MYO7B: variants seen among roughly 807,000 people sequenced by gnomAD.
MYO7B encodes the protein unconventional myosin-VIIb.
Under a neutral mutation model 259.7 loss-of-function variants are expected in MYO7B, and 212 were observed. The observed-to-expected ratio is 0.82, with a 90% CI of 0.73 to 0.91. The LOEUF (loss-of-function observed/expected upper bound fraction) is 0.91, where lower values mean the gene tolerates loss of function less well. MYO7B is among the 40% of genes least tolerant of loss of function. MYO7B has a pLI of 0.00. For missense variants in MYO7B, 2,732 were observed against 2,813.5 expected (o/e 0.97, Z 0.66); for synonymous variants, 1,197 against 1,166.4 (o/e 1.03, Z -0.54).
In MYO7B at chr2:127,635,128, G is replaced by C; in HGVS notation, c.5722G>C (p.Val1908Leu). ...TGCTGGCCCTCGCCCAGGGGCCCCCGTGACGCTCCCCTACCAGGTGTACTT... is the reference window on the plus strand; with the variant it reads ...TGCTGGCCCTCGCCCAGGGGCCCCCCTGACGCTCCCCTACCAGGTGTACTT... ...KNKPQKEGAPVTLPYQVYFMR... is the reference protein window; with the variant it reads ...KNKPQKEGAPLTLPYQVYFMR... The change falls in exon 43 of 48, where the codon GTG (valine) becomes CTG (leucine). Residue 1908 changes from valine (V) to leucine (L), a missense_variant. This residue lies in a region of MYO7B where 821 missense variants were observed against 769.3 expected (regional missense o/e 1.07). Transcript: ENST00000409816. The C allele has an allele frequency of 6.2e-7, 1 of 1,612,296 alleles. No homozygotes were observed. The highest frequency in any genetic ancestry group is 8.5e-7 in the Non-Finnish European group (1 of 1,179,360).
chr2:127,608,868 C>T lies in MYO7B; in HGVS notation c.2804C>T (p.Pro935Leu), dbSNP rs779515853. 12 of 1,612,122 alleles carry T rather than the reference C, an allele frequency of 7.4e-6. No individual in the cohort carries two copies. The highest frequency in any genetic ancestry group is 9.3e-6 in the Non-Finnish European group (11 of 1,179,342). The stretch of plus-strand genomic sequence containing the variant: ...GGGGGCCAGGAGGGCCAGGCCTCGC[C>T]GCACTTTGAGGTAACACAAGCCTGG... The part of the protein sequence containing the change: ...MIGGQEGQAS[P>L]HFEDLESKTQ... The change falls in exon 22 of 48, where the codon CCG (proline) becomes CTG (leucine). Residue 935 changes from proline (P) to leucine (L), a missense_variant. By Grantham distance (98) the Pro-to-Leu change is moderately conservative. This residue lies in a region of MYO7B where 1,906 missense variants were observed against 2,026.4 expected (regional missense o/e 0.94). Coordinates refer to ENST00000409816, the MANE Select transcript of MYO7B (RefSeq NM_001393586.1).
In MYO7B at chr2:127,559,126, CTGGGCCTGGCTGCCTACT is replaced by C. The variant is rs996928672; in HGVS notation, c.-23-558_-23-541del. Among the ~76,000 whole-genome samples the C allele has an allele frequency of 6.6e-6, 1 of 152,164 alleles. No individual in the cohort carries two copies. Among genetic ancestry groups the C allele is most frequent in the Non-Finnish European group, 1.5e-5 (1 of 68,022 alleles). ...GGGCTCCTCCCCGCTCCTCCTCCTG[CTGGGCCTGGCTGCCTACT>C]TGGGCCTGGCTGCCTGCTCCCTCTA... On this transcript the variant is annotated intron_variant, in intron 1 of 47. Coordinates refer to ENST00000409816, the MANE Select transcript of MYO7B (RefSeq NM_001393586.1). This position sits in a 1 kb window ranked among gnomAD's most constrained non-coding sequence, Gnocchi z 4.1.
chr2:127,571,442 GT>G, intron 6 of MYO7B, among the ~76,000 whole-genome samples: 2,533 of 42,024 alleles, frequency 0.06, 138 homozygotes, highest in African/African-American at 0.13. Flanking sequence ...TTACCAGTGA[GT>G]TTTTTTTTTT....
intron 1 of MYO7B, among the ~76,000 whole-genome samples, chr2:127,554,343 G>A (rs908049199): frequency 1.3e-5 from 2 of 152,154 alleles, no homozygotes; most frequent in African/African-American, 4.8e-5. Context: ...CAAAGTACTG[G>A]GATTACAGGC....
chr2:127,580,697 C>T, intron 9 of MYO7B, 49 bp from the exon 10 acceptor site: 1 of 1,555,876 alleles, frequency 6.4e-7, no homozygotes, highest in South Asian at 1.2e-5. Flanking sequence ...ACCTTGCTCC[C>T]ATCGCTCCAG....
chr2:127,617,711 C>T (rs1247616485), intron 26 of MYO7B, among the ~76,000 whole-genome samples: 1 of 150,572 alleles, frequency 6.6e-6, no homozygotes, highest in African/African-American at 2.5e-5. Context: ...ACCTTGTTAG[C>T]CAGGATGGTC....
At chr2:127,596,590 C>T (rs1362555240) in intron 19 of MYO7B, 34 bp downstream of exon 19, 2 of 1,531,346 alleles carry the variant, frequency 1.3e-6, no homozygotes, top group Non-Finnish European at 1.8e-6. Flanking sequence ...ACCCAGCCTA[C>T]TCCTGCCCAC....
Position 127,634,412 on chromosome 2 carries a change from G to T in MYO7B, c.5625+123G>T, listed in dbSNP as rs1681683209. ...TGCTGGACCAGGCTGCACGGCCAGG[G>T]CTGCTGGGACAGAGGTAGGTGGGGT... On this transcript the variant is annotated intron_variant, in intron 41 of 47. Coordinates refer to ENST00000409816, the MANE Select transcript of MYO7B (RefSeq NM_001393586.1). 4 of 932,402 alleles carry T rather than the reference G, an allele frequency of 4.3e-6. No individual in the cohort carries two copies. The South Asian group carries it at 6.7e-5, about 16-fold the overall frequency. The allele number at this position is 932,402 out of a possible 1,614,324, so 57.8% of individuals were successfully genotyped here.
At position 127,627,856 on chromosome 2, in the gene MYO7B, A is replaced by G. The variant is rs562696651; in HGVS notation, c.4461-516A>G. The G allele has an allele frequency of 2.6e-4, 121 of 458,142 alleles. 3 individuals carry two copies. The Middle Eastern group carries it at 8.4e-3, about 32-fold the overall frequency. The allele number at this position is 458,142 out of a possible 1,614,324, so 28.4% of individuals were successfully genotyped here. On this transcript the variant is annotated intron_variant, in intron 33 of 47. Transcript: ENST00000409816. This position sits in a 1 kb window ranked among gnomAD's most constrained non-coding sequence, Gnocchi z 5.6. ...GAGCGCCCCTTGGTTGAAGCACACA[A>G]CAGAGTGGCACATGCATCTCTGGGC...
intron 26 of MYO7B, 119 bp downstream of exon 26, chr2:127,612,722 A>C: frequency 7.0e-7 from 1 of 1,434,246 alleles, no homozygotes; most frequent in Admixed American, 2.3e-5. Flanking sequence ...TGCGGCCTGC[A>C]GGCTGGGTCT....
At chr2:127,587,273 A>G (rs1316845105) in intron 14 of MYO7B, among the ~76,000 whole-genome samples, 5 of 152,150 alleles carry the variant, frequency 3.3e-5, no homozygotes, top group African/African-American at 7.2e-5. Context: ...GGGCTAGGCC[A>G]TTCTTACTCA....
chr2:127,617,480 T>A lies in MYO7B; in HGVS notation c.3399-2860T>A, dbSNP rs536532009. Among the ~76,000 whole-genome samples the A allele has an allele frequency of 3.4e-3, 492 of 143,422 alleles. 4 individuals are homozygous for A. Among genetic ancestry groups the A allele is most frequent in the Non-Finnish European group, 5.2e-3 (341 of 66,146 alleles). The allele number at this position is 143,422 out of a possible 152,430, so 94.1% of individuals were successfully genotyped here. A position where few individuals can be genotyped will look rare whatever the true frequency, so the allele number is the denominator to read the frequency against. ...TGACCTTATGCTGCCAGCAGACTTG[T>A]AACGGGGTTTTTTTTTTTTTTTTTT... On this transcript the variant is annotated intron_variant, in intron 26 of 47. Coordinates refer to ENST00000409816, the MANE Select transcript of MYO7B (RefSeq NM_001393586.1).
intron 28 of MYO7B, 135 bp downstream of exon 28, chr2:127,622,236 C>T (rs1319433857): frequency 6.4e-6 from 8 of 1,252,204 alleles, no homozygotes; most frequent in Non-Finnish European, 7.5e-6. Flanking sequence ...TCTGCAGTAC[C>T]TCCCATGCCA....
chr2:127,556,216 C>T (rs1324557445), intron 1 of MYO7B, among the ~76,000 whole-genome samples: 2 of 152,208 alleles, frequency 1.3e-5, no homozygotes, highest in Non-Finnish European at 2.9e-5. Context: ...AGAATAACTA[C>T]TCCTACTCAC....
In MYO7B at chr2:127,637,342, C is replaced by T. The variant is rs369475321; in HGVS notation, c.6354C>T (p.Thr2118=). Residue 2118 remains threonine, a synonymous_variant, in exon 48 of 48, where the codon ACC becomes ACT. Transcript: ENST00000409816. ...SLGYKMDDLL[T]SYVQQLLSAM... is the part of the protein sequence containing the mutation. ...GCTATAAGATGGATGACCTGCTGAC[C>T]TCATATGTGCAGCAGCTCCTGAGTG... The T allele has an allele frequency of 1.8e-5, 28 of 1,593,786 alleles. No homozygotes were observed. Among genetic ancestry groups the T allele is most frequent in the Non-Finnish European group, 8.5e-6 (10 of 1,170,336 alleles).
In MYO7B at chr2:127,634,579, A is replaced by T. The variant is rs1168198699; in HGVS notation, c.5626-17A>T. ...CCCGGAAGCCACCCAACTTCCCTGTACCTTCCCCTTCCCCAGGTCATCAGC... is the reference window on the plus strand; with the variant it reads ...CCCGGAAGCCACCCAACTTCCCTGTTCCTTCCCCTTCCCCAGGTCATCAGC... On this transcript the variant is annotated splice_polypyrimidine_tract_variant and intron_variant, in intron 41 of 47. Transcript: ENST00000409816. 6 of 1,604,620 alleles carry T rather than the reference A, an allele frequency of 3.7e-6. No homozygotes were observed. The highest frequency in any genetic ancestry group is 5.1e-6 in the Non-Finnish European group (6 of 1,174,940).
intron 6 of MYO7B, among the ~76,000 whole-genome samples, chr2:127,571,449 T>G (rs1341449869): frequency 1.4e-5 from 2 of 142,668 alleles, no homozygotes; most frequent in South Asian, 2.2e-4. Flanking sequence ...TGAGTTTTTT[T>G]TTTTTTTTTT....
intron 6 of MYO7B, among the ~76,000 whole-genome samples, chr2:127,571,603 C>T (rs922695097): frequency 4.6e-5 from 7 of 151,814 alleles, no homozygotes; most frequent in Admixed American, 2.6e-4. Flanking sequence ...GCCTCAGCCT[C>T]CCGAGTAGCT....
intron 5 of MYO7B, 44 bp downstream of exon 5, chr2:127,566,871 A>C (rs777953482): frequency 1.3e-6 from 2 of 1,569,084 alleles, no homozygotes; most frequent in East Asian, 4.5e-5. Flanking sequence ...ATCTCCCTGA[A>C]CTGCTCCCCA....
Sources: allele counts gnomAD v4.1 joint callset (sites outside exome capture counted in the v4.1 genomes callset), GRCh38; gene constraint gnomAD v4.1.1; regional missense constraint gnomAD v4.1.1; non-coding constraint Gnocchi (gnomAD v3.1); transcripts MANE v1.5; gene names NCBI Gene and HGNC (gene_info 2026-07-23, HGNC 2026-07-21).